DECR2: variants seen among roughly 807,000 people sequenced by gnomAD.
DECR2 encodes the protein 2,4-dienoyl-CoA reductase 2, also known as peroxisomal 2,4-dienoyl-CoA reductase [(3E)-enoyl-CoA-producing].
DECR2 carries 34 observed loss-of-function variants against 29.2 expected under a neutral mutation model. The ratio of observed to expected loss-of-function variants is 1.16; its 90% CI spans 0.89 to 1.55. DECR2 has a LOEUF of 1.55. Among genes scored for constraint, DECR2 ranks in the 40% most tolerant of loss-of-function variants. The probability of loss-of-function intolerance (pLI) is 0.00; values close to 1 mark genes in which losing one functional copy is unlikely to be tolerated. For missense variants in DECR2, 485 were observed against 425.3 expected (o/e 1.14, Z -1.23); for synonymous variants, 224 against 182.7 (o/e 1.23, Z -1.82).
At position 406,304 on chromosome 16, in the gene DECR2, C is replaced by T. The variant is rs776751154; in HGVS notation, c.150-42C>T. On this transcript the variant is annotated intron_variant, in intron 2 of 8. Transcript: ENST00000219481. ...AGCTGGGCAGATGCCCCGGGAGTGC[C>T]CCTCGCCCACACTGCCCTCACACCT... The T allele has an allele frequency of 3.1e-6, 5 of 1,597,364 alleles. No individual in the cohort carries two copies. In the South Asian group the frequency reaches 5.5e-5, roughly 18 times the overall value.
chr16:402,758 T>C (rs905138657), intron 1 of DECR2, among the ~76,000 whole-genome samples: 1 of 151,398 alleles, frequency 6.6e-6, no homozygotes, highest in Non-Finnish European at 1.5e-5. Context: ...CCGAAGCGGG[T>C]AGATCACCAG....
At chr16:406,214 G>A in intron 2 of DECR2, 132 bp from the exon 3 acceptor site, 1 of 876,970 alleles carries the variant, frequency 1.1e-6, no homozygotes, top group Non-Finnish European at 1.7e-6. Context: ...TCACGCCCCT[G>A]TGCCCTCTGC....
rs374737970 is a variant in DECR2 at position 410,925 on chromosome 16, C to T, written c.557-47C>T. 51 of 1,552,776 alleles carry T rather than the reference C, an allele frequency of 3.3e-5. No individual in the cohort carries two copies. The highest frequency in any genetic ancestry group is 3.9e-5 in the Non-Finnish European group (45 of 1,147,856). On this transcript the variant is annotated intron_variant, in intron 6 of 8. Transcript: ENST00000219481. This position sits in a 1 kb window ranked among gnomAD's most constrained non-coding sequence, Gnocchi z 4.1. ...AGACCTGGCCTTGGCCCTGCGCCCT[C>T]GCAGAGGGCAGAGCGGCCCTTTCAT...
intron 4 of DECR2, among the ~76,000 whole-genome samples, 180 bp downstream of exon 4, chr16:407,740 G>A (rs1163587230): frequency 6.0e-5 from 9 of 150,130 alleles, no homozygotes; most frequent in African/African-American, 2.2e-4. Context: ...CCCTGTCTCC[G>A]GCCCCATCTC....
rs756869356 is a variant in DECR2 at position 405,569 on chromosome 16, T to G, written c.149+545T>G. On this transcript the variant is annotated intron_variant, in intron 2 of 8. Transcript: ENST00000219481. ...TCCAGTGGGACCTGCCTAGCAGGGG[T>G]AGCTACCTTTATGGTTATTGTGGGC... 62 of 1,304,144 alleles carry G rather than the reference T, an allele frequency of 4.8e-5. 1 individual carries two copies. The South Asian group carries it at 7.7e-4, about 16-fold the overall frequency. 80.8% of individuals were successfully genotyped at this position (1,304,144 alleles called of 1,614,324 possible).
In DECR2 at chr16:410,926, G is replaced by T. The variant is rs202160157; in HGVS notation, c.557-46G>T. On this transcript the variant is annotated intron_variant, in intron 6 of 8. Transcript: ENST00000219481. The surrounding 1 kb of genome is among the most constrained non-coding windows in gnomAD (Gnocchi z 4.1). ...GACCTGGCCTTGGCCCTGCGCCCTC[G>T]CAGAGGGCAGAGCGGCCCTTTCATA... 3.9e-6 allele frequency: 6 copies of T among 1,550,256 alleles called. No individual in the cohort carries two copies. In the African/African-American group the frequency reaches 6.8e-5, roughly 18 times the overall value.
At chr16:411,713 C>G (rs954382484) in intron 8 of DECR2, 135 bp downstream of exon 8, 5 of 968,058 alleles carry the variant, frequency 5.2e-6, no homozygotes, top group Admixed American at 2.8e-5. Context: ...CCAGCCTGCC[C>G]ACACATGGGT....
intron 3 of DECR2, 47 bp downstream of exon 3, chr16:406,444 G>T (rs762735229): frequency 4.2e-5 from 67 of 1,588,360 alleles, no homozygotes; most frequent in East Asian, 8.9e-5. Context: ...GCTGTGGGGG[G>T]GCTGGGGCTG....
rs964507695 is a variant in DECR2, at chr16:410,521, G to A, written c.462+154G>A. 2.2e-5 allele frequency: 30 copies of A among 1,365,018 alleles called. No individual in the cohort carries two copies. Among genetic ancestry groups the A allele is most frequent in the South Asian group, 4.0e-5 (3 of 74,926 alleles). The allele number at this position is 1,365,018 out of a possible 1,614,324, so 84.6% of individuals were successfully genotyped here. ...GGGGGCCTCCCCCTGACGGCCGCCC[G>A]CTCCCTGCCCTGGGCCTCCCCATGA... On this transcript the variant is annotated intron_variant, in intron 5 of 8. Coordinates refer to ENST00000219481, the MANE Select transcript of DECR2 (RefSeq NM_020664.4). This position sits in a 1 kb window ranked among gnomAD's most constrained non-coding sequence, Gnocchi z 4.1.
intron 4 of DECR2, 151 bp downstream of exon 4, chr16:407,711 C>A: frequency 7.9e-7 from 1 of 1,269,416 alleles, no homozygotes; most frequent in Non-Finnish European, 1.1e-6. Flanking sequence ...TACCTGAGGC[C>A]AAGACTCAGG....
Position 410,276 on chromosome 16 carries a change from C to T in DECR2, c.371C>T (p.Ala124Val), listed in dbSNP as rs554529207. ...GGGAACTTCCTGTGCCCCGCTGGCGCCTTGTCCTTCAACGCCTTCAAGACC... is the reference window on the plus strand; with the variant it reads ...GGGAACTTCCTGTGCCCCGCTGGCGTCTTGTCCTTCAACGCCTTCAAGACC... ...AAGNFLCPAGALSFNAFKTVM... is the reference protein window; with the variant it reads ...AAGNFLCPAGVLSFNAFKTVM... Residue 124 changes from alanine to valine, a missense_variant, in exon 5 of 9, where the codon GCC becomes GTC. Transcript: ENST00000219481. This position sits in a 1 kb window ranked among gnomAD's most constrained non-coding sequence, Gnocchi z 4.1. The T allele has an allele frequency of 3.7e-6, 6 of 1,613,646 alleles. No homozygotes were observed. In the South Asian group the frequency reaches 5.5e-5, roughly 15 times the overall value.
rs1477788896 is a variant in DECR2, at chr16:411,354, C to T, written c.662-7C>T. On this transcript the variant is annotated splice_polypyrimidine_tract_variant and splice_region_variant and intron_variant, in intron 7 of 8. Coordinates refer to ENST00000219481, the MANE Select transcript of DECR2 (RefSeq NM_020664.4). ...TCACGGGGCCTGAGCCTTCTGCTGC[C>T]CTCCAGGTGGCCCTCAGGCCAGCCT... The T allele has an allele frequency of 1.2e-6, 2 of 1,602,206 alleles. No individual in the cohort carries two copies. Among genetic ancestry groups the T allele is most frequent in the South Asian group, 1.1e-5 (1 of 90,760 alleles).
Position 404,429 on chromosome 16 carries a change from G to A in DECR2, c.81-527G>A, listed in dbSNP as rs549113494. Among the ~76,000 whole-genome samples the A allele has an allele frequency of 3.0e-3, 447 of 150,576 alleles. 2 individuals carry two copies. Among genetic ancestry groups the A allele is most frequent in the African/African-American group, 0.01 (420 of 41,238 alleles). The stretch of plus-strand genomic sequence containing the variant: ...AATTTTTTATATTTTTAGTAGAGAC[G>A]GGGTTTCTCCATGTTGGTCAGGCTG... On this transcript the variant is annotated intron_variant, in intron 1 of 8. Coordinates refer to ENST00000219481, the MANE Select transcript of DECR2 (RefSeq NM_020664.4).
At position 406,855 on chromosome 16, in the gene DECR2, C is replaced by T. The variant is rs139924922; in HGVS notation, c.201+458C>T. On this transcript the variant is annotated intron_variant, in intron 3 of 8. Coordinates refer to ENST00000219481, the MANE Select transcript of DECR2 (RefSeq NM_020664.4). Reference sequence around the variant, plus strand: ...ACAGGTGTGAATCACTGTGCCCGGCCGGCACCTCAGCCTCCCAAAGTGCCA... The same window carrying T: ...ACAGGTGTGAATCACTGTGCCCGGCTGGCACCTCAGCCTCCCAAAGTGCCA... The T allele has an allele frequency of 4.1e-3, 3,319 of 813,598 alleles. 65 individuals carry two copies. The highest frequency in any genetic ancestry group is 0.021 in the African/African-American group (1,157 of 55,414). 50.4% of individuals were successfully genotyped at this position (813,598 alleles called of 1,614,324 possible).
chr16:402,019 A>C lies in DECR2; in HGVS notation c.56A>C (p.His19Pro). 6.7e-7 allele frequency: 1 copy of C among 1,487,166 alleles called. No individual in the cohort carries two copies. Among genetic ancestry groups the C allele is most frequent in the Middle Eastern group, 1.8e-4 (1 of 5,434 alleles). 92.1% of individuals were successfully genotyped at this position (1,487,166 alleles called of 1,614,324 possible). Residue 19 changes from histidine (H) to proline (P), a missense_variant, in exon 1 of 9, where the codon CAC (histidine) becomes CCC (proline). Coordinates refer to ENST00000219481, the MANE Select transcript of DECR2 (RefSeq NM_020664.4). ...GACGACTGTCTCCCCGCGTACCGCC[A>C]CCTCTTCTGCCCGGACCTGCTGCGG... Reference protein sequence around the residue: ...EGDDCLPAYRHLFCPDLLRDK... With the variant: ...EGDDCLPAYRPLFCPDLLRDK...
chr16:410,760 G>A lies in DECR2; in HGVS notation c.532G>A (p.Ala178Thr), dbSNP rs1457460266. The A allele has an allele frequency of 1.0e-5, 16 of 1,603,698 alleles. No individual in the cohort carries two copies. Among genetic ancestry groups the A allele is most frequent in the Non-Finnish European group, 1.3e-5 (15 of 1,176,874 alleles). Residue 178 changes from alanine (A) to threonine (T), a missense_variant, in exon 6 of 9, where the codon GCA (alanine) becomes ACA (threonine). Physicochemically the swap from Ala to Thr is moderately conservative, Grantham distance 58. Transcript: ENST00000219481. The surrounding 1 kb of genome is among the most constrained non-coding windows in gnomAD (Gnocchi z 4.1). ...CCGGGGGCAGGCGCTCCAGGTGCAT[G>A]CAGGCTCCGCCAAGGCCGCTGTGGG... is the stretch of plus-strand genomic sequence containing the variant. ...GNRGQALQVH[A>T]GSAKAAVDAM...
intron 2 of DECR2, chr16:405,256 G>T: frequency 3.3e-6 from 2 of 614,544 alleles, no homozygotes; most frequent in African/African-American, 1.8e-5. Flanking sequence ...CTGGTCTGGG[G>T]CCTGCTGGGA....
chr16:411,853 G>A (rs545832714), intron 8 of DECR2, 37 bp from the exon 9 acceptor site: 167 of 438,298 alleles, frequency 3.8e-4, no homozygotes, highest in Admixed American at 5.7e-4. Context: ...GGGGGAAGCC[G>A]TCCTCAGCCG....
At chr16:404,216 A>G (rs1353845736) in intron 1 of DECR2, among the ~76,000 whole-genome samples, 2 of 151,806 alleles carry the variant, frequency 1.3e-5, no homozygotes, top group African/African-American at 4.8e-5. Context: ...AAAATACTAT[A>G]ATTTTATGAA....
Sources: gnomAD v4.1 joint callset for allele counts (sites outside exome capture counted in the v4.1 genomes callset) on GRCh38, gnomAD v4.1.1 for gene constraint, Gnocchi (gnomAD v3.1) non-coding constraint, MANE v1.5 for transcripts, NCBI Gene and HGNC (gene_info 2026-07-23, HGNC 2026-07-21) for gene names.